The following MANBA variants were observed in gnomAD, a reference collection of about 807,000 sequenced individuals.
MANBA encodes the protein mannosidase beta.
A neutral mutation model predicts 111.1 loss-of-function variants in MANBA; 83 were observed. That is an observed-to-expected ratio of 0.75 (90% CI 0.63 to 0.90). The LOEUF (loss-of-function observed/expected upper bound fraction) is 0.90, where lower values mean the gene tolerates loss of function less well. MANBA is among the 40% of genes least tolerant of loss of function. MANBA has a pLI of 0.00. For synonymous variants in MANBA, 370 were observed against 378.7 expected (o/e 0.98, Z 0.27); for missense variants, 1,036 against 1,069.0 (o/e 0.97, Z 0.43).
intron 4 of MANBA, among the ~76,000 whole-genome samples, chr4:102,721,195 A>G (rs1722554775): frequency 6.6e-6 from 1 of 152,112 alleles, no homozygotes; most frequent in South Asian, 2.1e-4. Context: ...GTGGCAGTGC[A>G]TGCGTGGAAT....
At chr4:102,709,483 T>G (rs1234796752) in intron 5 of MANBA, among the ~76,000 whole-genome samples, 1 of 151,894 alleles carries the variant, frequency 6.6e-6, no homozygotes, top group African/African-American at 2.4e-5. Flanking sequence ...TAATAATAAG[T>G]AGCAAGACTG....
intron 1 of MANBA, among the ~76,000 whole-genome samples, chr4:102,759,304 G>C (rs1328483605): frequency 6.6e-6 from 1 of 151,314 alleles, no homozygotes; most frequent in African/African-American, 2.4e-5. Context: ...GCCTCCCAAA[G>C]CTCTCACGTA....
chr4:102,727,741 T>C lies in MANBA; in HGVS notation c.178-1058A>G, dbSNP rs149319558. The C allele has an allele frequency of 4.7e-5, 38 of 816,964 alleles. No individual in the cohort carries two copies. The East Asian group carries it at 7.6e-4, about 16-fold the overall frequency. The allele number at this position is 816,964 out of a possible 1,614,324, so 50.6% of individuals were successfully genotyped here. A position where few individuals can be genotyped will look rare whatever the true frequency, so the allele number is the denominator to read the frequency against. ...TCAGAGATGGTGCCTTCTGGCATAG[T>C]AGTGTTTTCCATAAAAATGTTTTGT... is the stretch of plus-strand genomic sequence containing the variant. On this transcript the variant is annotated intron_variant, in intron 1 of 16. Transcript: ENST00000647097.
intron 1 of MANBA, chr4:102,728,212 A>C: frequency 1.9e-6 from 1 of 537,068 alleles, no homozygotes; most frequent in African/African-American, 1.9e-5. Flanking sequence ...TTGGGGCTGG[A>C]CTCCTGAGCC....
At position 102,749,179 on chromosome 4, in the gene MANBA, T is replaced by C. The variant is rs530201332; in HGVS notation, c.177+11539A>G. On this transcript the variant is annotated intron_variant, in intron 1 of 16. Transcript: ENST00000647097. ...AAAATACTTATGCTTTTATTATAAA[T>C]AGGTAAAATAAGAGAAAGTAAGGGT... 1.1e-4 allele frequency among the ~76,000 whole-genome samples: 16 copies of C among 152,196 alleles called. No individual in the cohort carries two copies. In the South Asian group the frequency reaches 2.3e-3, roughly 22 times the overall value.
chr4:102,709,476 T>C (rs1721955328), intron 5 of MANBA, among the ~76,000 whole-genome samples: 1 of 151,830 alleles, frequency 6.6e-6, no homozygotes, highest in South Asian at 2.1e-4. Context: ...GAACGACTAA[T>C]AATAAGTAGC....
At chr4:102,722,197 G>T (rs1269139275) in intron 4 of MANBA, among the ~76,000 whole-genome samples, 2 of 151,866 alleles carry the variant, frequency 1.3e-5, no homozygotes, top group Non-Finnish European at 2.9e-5. Context: ...AAGCTCTGTG[G>T]TTACTTAATG....
chr4:102,639,948 GT>G, intron 13 of MANBA, 91 bp from the exon 14 acceptor site: 1 of 1,459,932 alleles, frequency 6.8e-7, no homozygotes. Flanking sequence ...TTTGTTTTGG[GT>G]TTTTTCTTTT....
chr4:102,752,218 T>C (rs1297716566), intron 1 of MANBA: 3 of 882,078 alleles, frequency 3.4e-6, no homozygotes, highest in South Asian at 1.3e-5. Context: ...ACCATACAAT[T>C]AGAGTGTAGG....
intron 1 of MANBA, among the ~76,000 whole-genome samples, chr4:102,742,585 A>G (rs1399222698): frequency 6.6e-6 from 1 of 152,144 alleles, no homozygotes; most frequent in African/African-American, 2.4e-5. Flanking sequence ...ACATGGTAAG[A>G]CCAGTGAATT....
chr4:102,661,803 C>A (rs776922841), intron 11 of MANBA, among the ~76,000 whole-genome samples: 2 of 152,182 alleles, frequency 1.3e-5, no homozygotes, highest in Admixed American at 6.5e-5. Context: ...GACCTTAAAC[C>A]CTTAGTTGGA....
chr4:102,704,499 C>A (rs924952597), intron 5 of MANBA, among the ~76,000 whole-genome samples: 7 of 152,094 alleles, frequency 4.6e-5, no homozygotes, highest in Admixed American at 2.6e-4. Flanking sequence ...CCTCATTTCA[C>A]ACTTAAATTT....
At chr4:102,714,257 T>C (rs1722226697) in intron 5 of MANBA, among the ~76,000 whole-genome samples, 181 bp downstream of exon 5, 1 of 152,228 alleles carries the variant, frequency 6.6e-6, no homozygotes, top group African/African-American at 2.4e-5. Context: ...ATCTGCTTTA[T>C]ATTGTCAATT....
chr4:102,717,046 A>AT (rs146864188), intron 4 of MANBA, among the ~76,000 whole-genome samples: 2,440 of 152,236 alleles, frequency 0.016, 32 homozygotes, highest in Non-Finnish European at 0.028. Flanking sequence ...TCTATTTGTA[A>AT]TTTTTTCATT....
At chr4:102,655,626 C>T (rs1013048104) in intron 12 of MANBA, among the ~76,000 whole-genome samples, 1 of 152,130 alleles carries the variant, frequency 6.6e-6, no homozygotes, top group Non-Finnish European at 1.5e-5. Flanking sequence ...GAACTCCTAC[C>T]TTCTACCATA....
chr4:102,656,551 T>C (rs904323796), intron 12 of MANBA, among the ~76,000 whole-genome samples: 1 of 152,210 alleles, frequency 6.6e-6, no homozygotes, highest in Non-Finnish European at 1.5e-5. Context: ...AGAGCTACCA[T>C]ATGACCCAGC....
At position 102,639,720 on chromosome 4, in the gene MANBA, A is replaced by G; in HGVS notation, c.2007T>C (p.Ala669=). The change falls in exon 14 of 17, where the codon GCT becomes GCC. Residue 669 remains alanine (A), a synonymous_variant. Coordinates refer to ENST00000647097, the MANE Select transcript of MANBA (RefSeq NM_005908.4). Reference sequence around the variant, plus strand: ...GAACGCTGAAATGCTTACCAAGAGAAGCCCAGGAAGGAGCTTGCCAGATGT... The same window carrying G: ...GAACGCTGAAATGCTTACCAAGAGAGGCCCAGGAAGGAGCTTGCCAGATGT... ...LNDIWQAPSW[A]SLEYGGKWKM... The G allele has an allele frequency of 6.2e-7, 1 of 1,614,166 alleles. No homozygotes were observed. The highest frequency in any genetic ancestry group is 8.5e-7 in the Non-Finnish European group (1 of 1,180,012).
At chr4:102,754,178 C>A (rs1723918312) in intron 1 of MANBA, among the ~76,000 whole-genome samples, 1 of 152,022 alleles carries the variant, frequency 6.6e-6, no homozygotes, top group African/African-American at 2.4e-5. Flanking sequence ...AAATCTAGCA[C>A]CTAAGATAAG....
intron 1 of MANBA, chr4:102,729,164 C>T: frequency 1.4e-6 from 1 of 724,502 alleles, no homozygotes; most frequent in Admixed American, 1.8e-5. Context: ...CTGCAGACAT[C>T]TGTGATGGTG....
Sources: allele counts gnomAD v4.1 joint callset (sites outside exome capture counted in the v4.1 genomes callset), GRCh38; gene constraint gnomAD v4.1.1; transcripts MANE v1.5; gene names NCBI Gene and HGNC (gene_info 2026-07-23, HGNC 2026-07-21).